Variants in CCDC6 observed in about 807,000 individuals in gnomAD.
CCDC6 encodes the protein coiled-coil domain-containing protein 6.
A neutral mutation model predicts 56.6 loss-of-function variants in CCDC6; 20 were observed. That is an observed-to-expected ratio of 0.35 (90% CI 0.25 to 0.51). The LOEUF (loss-of-function observed/expected upper bound fraction) is 0.51, where lower values mean the gene tolerates loss of function less well. Ranked by LOEUF, CCDC6 falls within the 20% of genes least tolerant of loss-of-function variation. The pLI, the probability that CCDC6 is intolerant of heterozygous loss-of-function variation, is 0.95. For missense variants in CCDC6, 367 were observed against 601.1 expected (o/e 0.61, Z 4.07); for synonymous variants, 241 against 234.4 (o/e 1.03, Z -0.26).
chr10:59,881,578 G>C (rs552397032), intron 1 of CCDC6, among the ~76,000 whole-genome samples: 4 of 152,150 alleles, frequency 2.6e-5, no homozygotes, highest in South Asian at 4.1e-4. Flanking sequence ...GCATAAATGT[G>C]TAAGATTTTA....
intron 2 of CCDC6, among the ~76,000 whole-genome samples, chr10:59,841,098 G>A (rs1339103734): frequency 6.6e-6 from 1 of 152,080 alleles, no homozygotes; most frequent in Non-Finnish European, 1.5e-5. Flanking sequence ...ATCATATCAA[G>A]CCTCCAGACC....
At chr10:59,804,190 TAA>T (rs58723922) in intron 7 of CCDC6, among the ~76,000 whole-genome samples, 198 of 146,358 alleles carry the variant, frequency 1.4e-3, no homozygotes, top group African/African-American at 2.7e-3. Flanking sequence ...CCTTTTAGAT[TAA>T]AAAAAAAAAA....
chr10:59,877,799 A>G (rs868552171), intron 1 of CCDC6, among the ~76,000 whole-genome samples: 2 of 152,362 alleles, frequency 1.3e-5, no homozygotes, highest in African/African-American at 4.8e-5. Context: ...CAAGAAAACC[A>G]ACCAATAATT....
intron 1 of CCDC6, among the ~76,000 whole-genome samples, chr10:59,880,406 G>A (rs372388167): frequency 6.6e-6 from 1 of 152,184 alleles, no homozygotes; most frequent in African/African-American, 2.4e-5. Flanking sequence ...AAATCCCACA[G>A]ACATAATGCT....
chr10:59,803,775 G>A (rs1466686891), intron 7 of CCDC6, among the ~76,000 whole-genome samples: 1 of 152,208 alleles, frequency 6.6e-6, no homozygotes, highest in Admixed American at 6.5e-5. Context: ...GGCAAAGCCA[G>A]AAGCAGGCTG....
At chr10:59,905,561 C>G (rs961668438) in intron 1 of CCDC6, among the ~76,000 whole-genome samples, 1 of 152,172 alleles carries the variant, frequency 6.6e-6, no homozygotes, top group East Asian at 1.9e-4. Context: ...CCTTCCCTCT[C>G]GATCCCGGCC....
At chr10:59,853,122 T>TA (rs11395157) in intron 1 of CCDC6, among the ~76,000 whole-genome samples, 35,767 of 152,152 alleles carry the variant, frequency 0.24, 5,222 homozygotes, top group African/African-American at 0.42. Context: ...GGTTTACAAT[T>TA]AAATATCTGG....
At chr10:59,829,101 T>G (rs1437072418) in intron 3 of CCDC6, among the ~76,000 whole-genome samples, 1 of 152,234 alleles carries the variant, frequency 6.6e-6, no homozygotes, top group Non-Finnish European at 1.5e-5. Flanking sequence ...ACCAAAGGAC[T>G]AACTTTCAGT....
At chr10:59,861,098 G>A (rs1336766808) in intron 1 of CCDC6, among the ~76,000 whole-genome samples, 1 of 152,116 alleles carries the variant, frequency 6.6e-6, no homozygotes, top group Non-Finnish European at 1.5e-5. Flanking sequence ...AGAACTGCTT[G>A]AACTCGGGAA....
chr10:59,906,543 AC>A lies in CCDC6; in HGVS notation c.-120del. ...GGGAGCGCCGAGCTGAGCGCCTGGCACCAGGGCGCAGACTCGGAGCGGCGGC... is the reference window on the plus strand; with the variant it reads ...GGGAGCGCCGAGCTGAGCGCCTGGCACAGGGCGCAGACTCGGAGCGGCGGC... On this transcript the variant is annotated 5_prime_UTR_variant, in exon 1 of 9. Coordinates refer to ENST00000263102, the MANE Select transcript of CCDC6 (RefSeq NM_005436.5). 2.4e-6 allele frequency: 2 copies of A among 849,452 alleles called. No individual in the cohort carries two copies. The highest frequency in any genetic ancestry group is 3.4e-6 in the Non-Finnish European group (2 of 592,492). 52.6% of individuals were successfully genotyped at this position (849,452 alleles called of 1,614,324 possible). A position where few individuals can be genotyped will look rare whatever the true frequency, so the allele number is the denominator to read the frequency against.
rs113326005 is a variant in CCDC6, at chr10:59,843,587, A to G, written c.453+8966T>C. Among the ~76,000 whole-genome samples the G allele has an allele frequency of 3.0e-3, 455 of 152,254 alleles. 3 individuals carry two copies. Among genetic ancestry groups the G allele is most frequent in the African/African-American group, 0.011 (438 of 41,532 alleles). On this transcript the variant is annotated intron_variant, in intron 2 of 8. Transcript: ENST00000263102. ...TGCGAAGTCCATTTCTTTTATTTCT[A>G]GTCACTTACATTCATGGAATCTCAT...
At chr10:59,823,251 A>T (rs867922050) in intron 3 of CCDC6, among the ~76,000 whole-genome samples, 1 of 152,224 alleles carries the variant, frequency 6.6e-6, no homozygotes, top group South Asian at 2.1e-4. Context: ...TCATGCAAAA[A>T]GGCAAAGGGC....
rs912550512 is a variant in CCDC6 at position 59,906,520 on chromosome 10, G to A, written c.-96C>T. On this transcript the variant is annotated 5_prime_UTR_variant, in exon 1 of 9. Transcript: ENST00000263102. ...GAGTGGGCGCCGGGCGAGCACAGGGGAGCGCCGAGCTGAGCGCCTGGCACC... is the reference window on the plus strand; with the variant it reads ...GAGTGGGCGCCGGGCGAGCACAGGGAAGCGCCGAGCTGAGCGCCTGGCACC... 28 of 1,113,336 alleles carry A rather than the reference G, an allele frequency of 2.5e-5. No individual in the cohort carries two copies. In the East Asian group the frequency reaches 7.6e-4, roughly 30 times the overall value. 69.0% of individuals were successfully genotyped at this position (1,113,336 alleles called of 1,614,324 possible).
At chr10:59,904,782 C>T (rs2071530203) in intron 1 of CCDC6, among the ~76,000 whole-genome samples, 1 of 152,240 alleles carries the variant, frequency 6.6e-6, no homozygotes, top group African/African-American at 2.4e-5. Context: ...GGCTACTGAT[C>T]ACACTTAACT....
rs189301748 is a variant in CCDC6 at position 59,832,230 on chromosome 10, A to C, written c.582+295T>G. Reference sequence around the variant, plus strand: ...CACAGAAACTATCCTGTGGTCAAAAACATTCTTCTCCCTTTGCTTTGCAAA... The same window carrying C: ...CACAGAAACTATCCTGTGGTCAAAACCATTCTTCTCCCTTTGCTTTGCAAA... On this transcript the variant is annotated intron_variant, in intron 3 of 8. Coordinates refer to ENST00000263102, the MANE Select transcript of CCDC6 (RefSeq NM_005436.5). Among the ~76,000 whole-genome samples the C allele has an allele frequency of 1.8e-4, 27 of 152,370 alleles. No individual in the cohort carries two copies. The East Asian group carries it at 4.6e-3, about 26-fold the overall frequency.
chr10:59,889,756 C>T (rs946399554), intron 1 of CCDC6, among the ~76,000 whole-genome samples: 1 of 152,162 alleles, frequency 6.6e-6, no homozygotes, highest in Non-Finnish European at 1.5e-5. Context: ...CCAACTTGGG[C>T]AGCACCCACA....
intron 2 of CCDC6, among the ~76,000 whole-genome samples, chr10:59,837,510 G>A (rs527688012): frequency 5.3e-5 from 8 of 152,190 alleles, no homozygotes; most frequent in South Asian, 2.1e-4. Context: ...TTGGGAGGCC[G>A]AGGTGGGCAG....
At position 59,797,246 on chromosome 10, in the gene CCDC6, C is replaced by A. The variant is rs2070528678; in HGVS notation, c.1106-2649G>T. 2.0e-5 allele frequency among the ~76,000 whole-genome samples: 3 copies of A among 152,086 alleles called. No individual in the cohort carries two copies. In the South Asian group the frequency reaches 6.2e-4, roughly 32 times the overall value. ...AGAATGGCGGTGAACTGCTGCTCAA[C>A]AGCCATCAAGTTTCAGTTAAGCAAA... is the stretch of plus-strand genomic sequence containing the variant. On this transcript the variant is annotated intron_variant, in intron 7 of 8. Transcript: ENST00000263102.
At chr10:59,818,153 G>A (rs1414999117) in intron 3 of CCDC6, among the ~76,000 whole-genome samples, 4 of 152,088 alleles carry the variant, frequency 2.6e-5, no homozygotes, top group Non-Finnish European at 4.4e-5. Flanking sequence ...AACAATACTT[G>A]GGAGTAGCAG....
Sources: allele counts gnomAD v4.1 joint callset (sites outside exome capture counted in the v4.1 genomes callset), GRCh38; gene constraint gnomAD v4.1.1; transcripts MANE v1.5; gene names NCBI Gene and HGNC (gene_info 2026-07-23, HGNC 2026-07-21).